Variants in CHTF18 observed in about 807,000 individuals in gnomAD.
CHTF18 encodes chromosome transmission fidelity protein 18 homolog.
Under a neutral mutation model 113.4 loss-of-function variants are expected in CHTF18, and 151 were observed. The ratio of observed to expected loss-of-function variants is 1.33; its 90% CI spans 1.17 to 1.52. The LOEUF (loss-of-function observed/expected upper bound fraction) is 1.52, where lower values mean the gene tolerates loss of function less well. CHTF18 is among the 40% of genes most tolerant of loss of function. CHTF18 has a pLI of 0.00. For synonymous variants in CHTF18, 916 were observed against 598.8 expected, an observed-to-expected ratio of 1.53 and a Z score of -7.74; for missense variants, 1,982 against 1,381.6, an observed-to-expected ratio of 1.43 and a Z score of -6.89.
intron 7 of CHTF18, 138 bp from the exon 8 acceptor site, chr16:791,023 G>C (rs528615881): frequency 6.8e-7 from 1 of 1,475,778 alleles, no homozygotes; most frequent in Non-Finnish European, 9.0e-7. Context: ...GCGGTCACTC[G>C]CTGGCAGGAA....
At position 793,082 on chromosome 16, in the gene CHTF18, A is replaced by T. The variant is rs2042244976; in HGVS notation, c.1671+18A>T. On this transcript the variant is annotated intron_variant, in intron 13 of 21. Coordinates refer to ENST00000262315, the MANE Select transcript of CHTF18 (RefSeq NM_022092.3). ...CCCTGCAGGTGGGCGGCCGGCAGGC[A>T]CCGGGTGGGGTGGGGTGGGGTCAGG... is the stretch of plus-strand genomic sequence containing the variant. 1 of 934,964 alleles carries T rather than the reference A, an allele frequency of 1.1e-6. No homozygotes were observed. The highest frequency in any genetic ancestry group is 1.5e-6 in the Non-Finnish European group (1 of 648,578). 57.9% of individuals were successfully genotyped at this position (934,964 alleles called of 1,614,324 possible). A position where few individuals can be genotyped will look rare whatever the true frequency, so the allele number is the denominator to read the frequency against.
chr16:792,598 C>T lies in CHTF18; in HGVS notation c.1478+8C>T, dbSNP rs747905938. 8.8e-6 allele frequency: 14 copies of T among 1,594,364 alleles called. No individual in the cohort carries two copies. Among genetic ancestry groups the T allele is most frequent in the East Asian group, 4.5e-5 (2 of 44,686 alleles). The stretch of plus-strand genomic sequence containing the variant: ...CTGCATTTGCAATGACCAGTGAGTG[C>T]ATGGGCGGGCGCCACAGTCAGGAGA... On this transcript the variant is annotated splice_region_variant and intron_variant, in intron 11 of 21. Coordinates refer to ENST00000262315, the MANE Select transcript of CHTF18 (RefSeq NM_022092.3).
At position 797,708 on chromosome 16, in the gene CHTF18, C is replaced by T. The variant is rs1346871497; in HGVS notation, c.2748C>T (p.Phe916=). 1.9e-6 allele frequency: 3 copies of T among 1,597,482 alleles called. No homozygotes were observed. The highest frequency in any genetic ancestry group is 1.8e-5 in the Admixed American group (1 of 56,396). ...CCTCCCATCAGCCTGAGAAGGACTT[C>T]TTTGGACGTGTGGTCGTCAGGAGCA... ...AAREEQPEKD[F]FGRVVVRSTA... The change falls in exon 21 of 22, where the codon TTC becomes TTT. Residue 916 remains phenylalanine, a synonymous_variant. Coordinates refer to ENST00000262315, the MANE Select transcript of CHTF18 (RefSeq NM_022092.3).
intron 15 of CHTF18, 131 bp from the exon 16 acceptor site, chr16:795,001 G>C: frequency 1.4e-6 from 1 of 715,756 alleles, no homozygotes; most frequent in Non-Finnish European, 2.3e-6. Flanking sequence ...GGACCCTTGT[G>C]GAGGGTCTGC....
At chr16:788,843 G>T in intron 1 of CHTF18, 68 bp downstream of exon 1, 1 of 1,531,114 alleles carries the variant, frequency 6.5e-7, no homozygotes, top group Non-Finnish European at 8.8e-7. Flanking sequence ...CTCGGGGAGG[G>T]CGTGCCGGGG....
chr16:788,681 CGGTATGGA>C lies in CHTF18; in HGVS notation c.-1_7del. 6.5e-7 allele frequency: 1 copy of C among 1,541,774 alleles called. No individual in the cohort carries two copies. Among genetic ancestry groups the C allele is most frequent in the Non-Finnish European group, 8.7e-7 (1 of 1,147,974 alleles). On this transcript the variant is annotated start_lost and 5_prime_UTR_variant, in exon 1 of 22. Coordinates refer to ENST00000262315, the MANE Select transcript of CHTF18 (RefSeq NM_022092.3). ...CGGAGCGGGAGCTCGGGCTCGCGGACGGTATGGAGGACTACGAGCAGGAGCTGTGCGGC... is the reference window on the plus strand; with the variant it reads ...CGGAGCGGGAGCTCGGGCTCGCGGACGGACTACGAGCAGGAGCTGTGCGGC...
intron 3 of CHTF18, 87 bp from the exon 4 acceptor site, chr16:789,460 T>A: frequency 6.5e-7 from 1 of 1,537,160 alleles, no homozygotes; most frequent in Non-Finnish European, 8.8e-7. Context: ...TGGGGAGGGT[T>A]CCATGGCTGA....
intron 18 of CHTF18, 66 bp downstream of exon 18, chr16:796,143 G>T: frequency 6.5e-7 from 1 of 1,544,752 alleles, no homozygotes; most frequent in Non-Finnish European, 8.7e-7. Flanking sequence ...CATGTTCAGG[G>T]CCCGCATGGG....
Position 794,186 on chromosome 16 carries a change from C to G in CHTF18, c.1935C>G (p.His645Gln). The G allele has an allele frequency of 5.6e-6, 9 of 1,611,600 alleles. No homozygotes were observed. The highest frequency in any genetic ancestry group is 7.6e-6 in the Non-Finnish European group (9 of 1,179,104). Residue 645 changes from histidine to glutamine, a missense_variant, in exon 15 of 22, where the codon CAC becomes CAG. Transcript: ENST00000262315. ...ATGCCGCTGCCTCTGCGGGCGAGCACGAGAAGGTGGTCCAGGTACCTGTCT... is the reference window on the plus strand; with the variant it reads ...ATGCCGCTGCCTCTGCGGGCGAGCAGGAGAAGGTGGTCCAGGTACCTGTCT... Reference protein sequence around the residue: ...VLHAAASAGEHEKVVQGLFDN... With the variant: ...VLHAAASAGEQEKVVQGLFDN...
chr16:790,472 G>A (rs2042165236), intron 6 of CHTF18, 53 bp from the exon 7 acceptor site: 1 of 1,608,644 alleles, frequency 6.2e-7, no homozygotes, highest in South Asian at 1.1e-5. Flanking sequence ...CTAGCGTGTG[G>A]GTTGGCATGG....
Position 791,211 on chromosome 16 carries a change from G to A in CHTF18, c.945G>A (p.Val315=). The change falls in exon 8 of 22, where the codon GTG becomes GTA. Residue 315 remains valine (V), a synonymous_variant. Transcript: ENST00000262315. ...LKWLKLWDLV[V]FGHERPSRKP... ...GGCTGAAGTTGTGGGACCTGGTGGT[G>A]TTTGGCCACGAGAGGCCTTCCCGGA... 2 of 1,611,592 alleles carry A rather than the reference G, an allele frequency of 1.2e-6. No homozygotes were observed. The highest frequency in any genetic ancestry group is 1.7e-6 in the Non-Finnish European group (2 of 1,179,544).
At chr16:793,719 G>A (rs1260979436) in intron 14 of CHTF18, 5 of 642,274 alleles carry the variant, frequency 7.8e-6, no homozygotes, top group African/African-American at 1.8e-5. Context: ...TGGCCTGGTC[G>A]TGCTGCAGGA....
intron 18 of CHTF18, 132 bp downstream of exon 18, chr16:796,209 C>T (rs970142053): frequency 2.4e-6 from 3 of 1,228,596 alleles, no homozygotes; most frequent in Admixed American, 4.8e-5. Context: ...CCCAGCTTAT[C>T]TTTTGCTCAG....
Position 788,790 on chromosome 16 carries a change from C to G in CHTF18, c.91+15C>G, listed in dbSNP as rs1292454447. On this transcript the variant is annotated intron_variant, in intron 1 of 21. Transcript: ENST00000262315. ...AGAGCTGGAAGGTGGGGCGCGGCCC[C>G]CGGCCGTTGGGGAGGAGCTGCGAAA... 1 of 1,584,136 alleles carries G rather than the reference C, an allele frequency of 6.3e-7. No individual in the cohort carries two copies. The highest frequency in any genetic ancestry group is 2.3e-5 in the East Asian group (1 of 42,886).
rs539588252 is a variant in CHTF18 at position 793,536 on chromosome 16, C to T, written c.1802+262C>T. On this transcript the variant is annotated intron_variant, in intron 14 of 21. Coordinates refer to ENST00000262315, the MANE Select transcript of CHTF18 (RefSeq NM_022092.3). Reference sequence around the variant, plus strand: ...GTGTGGTGGGGCCTCCAGGGCGTCCCTCTCCAGGGCGCCCCTTGACTCAGC... The same window carrying T: ...GTGTGGTGGGGCCTCCAGGGCGTCCTTCTCCAGGGCGCCCCTTGACTCAGC... 18 of 587,146 alleles carry T rather than the reference C, an allele frequency of 3.1e-5. No individual in the cohort carries two copies. The African/African-American group carries it at 3.2e-4, about 10-fold the overall frequency. 36.4% of individuals were successfully genotyped at this position (587,146 alleles called of 1,614,324 possible). A position where few individuals can be genotyped will look rare whatever the true frequency, so the allele number is the denominator to read the frequency against.
rs1338208135 is a variant in CHTF18, at chr16:796,056, A to G, written c.2435A>G (p.Gln812Arg). 6.2e-7 allele frequency: 1 copy of G among 1,604,826 alleles called. No individual in the cohort carries two copies. Among genetic ancestry groups the G allele is most frequent in the Non-Finnish European group, 8.5e-7 (1 of 1,176,534 alleles). The change falls in exon 18 of 22, where the codon CAG becomes CGG. Residue 812 changes from glutamine (Q) to arginine (R), a missense_variant. Gln to Arg is a conservative substitution (Grantham distance 43). Transcript: ENST00000262315. ...CGCCAGGAGCGCACGCCCGATGGCC[A>G]GTACATCTACAGGCTGGAGCCGTGA... is the stretch of plus-strand genomic sequence containing the variant. ...TYRQERTPDGQYIYRLEPNVE... is the reference protein window; with the variant it reads ...TYRQERTPDGRYIYRLEPNVE...
In CHTF18 at chr16:789,289, T is replaced by C; in HGVS notation, c.366T>C (p.Pro122=). 6.3e-7 allele frequency: 1 copy of C among 1,587,684 alleles called. No individual in the cohort carries two copies. Among genetic ancestry groups the C allele is most frequent in the Non-Finnish European group, 8.6e-7 (1 of 1,168,648 alleles). ...FRSEEMEEPP[P]PDSSPTDITP... is the part of the protein sequence containing the mutation. ...CGGAGGAGATGGAGGAGCCGCCCCC[T>C]CCCGACTCCTCGCCGACGGACATCA... Residue 122 remains proline, a synonymous_variant, in exon 3 of 22, where the codon CCT becomes CCC. Coordinates refer to ENST00000262315, the MANE Select transcript of CHTF18 (RefSeq NM_022092.3).
At chr16:796,395 G>A (rs1338779650) in intron 18 of CHTF18, among the ~76,000 whole-genome samples, 4 of 152,208 alleles carry the variant, frequency 2.6e-5, no homozygotes, top group Non-Finnish European at 5.9e-5. Context: ...CATGGGGGTG[G>A]TGGGGGTGAG....
intron 14 of CHTF18, 60 bp from the exon 15 acceptor site, chr16:793,994 C>T (rs986701605): frequency 6.1e-5 from 95 of 1,563,542 alleles, no homozygotes; most frequent in African/African-American, 1.1e-4. Flanking sequence ...CCCGGGGAGA[C>T]GGGTGGGGCT....
Sources: gnomAD v4.1 joint callset for allele counts (sites outside exome capture counted in the v4.1 genomes callset) on GRCh38, gnomAD v4.1.1 for gene constraint, MANE v1.5 for transcripts, NCBI Gene and HGNC (gene_info 2026-07-23, HGNC 2026-07-21) for gene names.